The following MALRD1 variants were observed in gnomAD, a reference collection of about 807,000 sequenced individuals.
MALRD1 encodes MAM and LDL receptor class A domain containing 1.
Under a neutral mutation model 242.1 loss-of-function variants are expected in MALRD1, and 247 were observed. The ratio of observed to expected loss-of-function variants is 1.02; its 90% confidence interval spans 0.92 to 1.13. The LOEUF (loss-of-function observed/expected upper bound fraction) is 1.13. Ranked by LOEUF, MALRD1 falls within the 50% of genes most tolerant of loss-of-function variation. The probability of loss-of-function intolerance (pLI) is 0.00; values close to 1 mark genes in which losing one functional copy is unlikely to be tolerated. For missense variants in MALRD1, 2,989 were observed against 2,533.1 expected, an observed-to-expected ratio of 1.18 and a Z score of -3.86; for synonymous variants, 995 against 866.6, an observed-to-expected ratio of 1.15 and a Z score of -2.60.
In MALRD1 at chr10:19,491,379, G is replaced by A. The variant is rs1310195840; in HGVS notation, c.5030-138G>A. 1.5e-5 allele frequency: 15 copies of A among 994,190 alleles called. No homozygotes were observed. The African/African-American group carries it at 2.3e-4, about 15-fold the overall frequency. The allele number at this position is 994,190 out of a possible 1,614,324, so 61.6% of individuals were successfully genotyped here. ...AGGTGGGACTGAGAAAGAGGAAGTT[G>A]GGGAAGTCCATCTTAGGCAACTGTT... On this transcript the variant is annotated intron_variant, in intron 29 of 39. Transcript: ENST00000454679.
intron 36 of MALRD1, among the ~76,000 whole-genome samples, chr10:19,679,638 G>A (rs987363752): frequency 2.0e-5 from 3 of 151,198 alleles, no homozygotes; most frequent in East Asian, 1.9e-4. Context: ...AGAGTTTTTC[G>A]TGCCTCTGTC....
chr10:19,712,791 A>G (rs1834193882), intron 38 of MALRD1, among the ~76,000 whole-genome samples: 1 of 152,212 alleles, frequency 6.6e-6, no homozygotes. Flanking sequence ...TATCACATTC[A>G]TAAGGGGAAA....
At chr10:19,427,701 T>C (rs1228059656) in intron 28 of MALRD1, among the ~76,000 whole-genome samples, 1 of 152,174 alleles carries the variant, frequency 6.6e-6, no homozygotes, top group African/African-American at 2.4e-5. Flanking sequence ...GGGTTATTAT[T>C]GGCGTTATAT....
intron 29 of MALRD1, among the ~76,000 whole-genome samples, chr10:19,460,360 A>T (rs951366913): frequency 2.6e-5 from 4 of 152,178 alleles, no homozygotes; most frequent in African/African-American, 9.6e-5. Context: ...ATATTTATAC[A>T]TGCACAAATA....
At chr10:19,458,635 G>T (rs1383307641) in intron 29 of MALRD1, among the ~76,000 whole-genome samples, 2 of 152,102 alleles carry the variant, frequency 1.3e-5, no homozygotes, top group East Asian at 3.9e-4. Flanking sequence ...AGTTAAACGG[G>T]TCAATAAGAA....
chr10:19,546,073 A>G (rs1470450198), intron 32 of MALRD1, among the ~76,000 whole-genome samples: 2 of 151,992 alleles, frequency 1.3e-5, no homozygotes, highest in Non-Finnish European at 2.9e-5. Flanking sequence ...TGTCTTTCCC[A>G]TGGTGTTCAG....
At position 19,692,695 on chromosome 10, in the gene MALRD1, C is replaced by A. The variant is rs1833135962; in HGVS notation, c.6314+141C>A. The A allele has an allele frequency of 7.9e-6, 5 of 630,386 alleles. No individual in the cohort carries two copies. The Middle Eastern group carries it at 1.1e-3, about 144-fold the overall frequency. The allele number at this position is 630,386 out of a possible 1,614,324, so 39.0% of individuals were successfully genotyped here. On this transcript the variant is annotated intron_variant, in intron 38 of 39. Transcript: ENST00000454679. ...TTTGCTGCTTTATGGATTTATTTTT[C>A]TGGGCAGAAAAGAGGAGCTACCTAA...
At position 19,119,095 on chromosome 10, in the gene MALRD1, T is replaced by C. The variant is rs554994470; in HGVS notation, c.695-4397T>C. The stretch of plus-strand genomic sequence containing the variant: ...ATGTAGTTGGATTCTGGATGTGTTT[T>C]ATTGATAATGCAGAAATTTGCTGAT... On this transcript the variant is annotated intron_variant, in intron 5 of 39. Transcript: ENST00000454679. Among the ~76,000 whole-genome samples the C allele has an allele frequency of 1.6e-4, 24 of 152,268 alleles. No homozygotes were observed. In the East Asian group the frequency reaches 3.9e-3, roughly 25 times the overall value.
At chr10:19,119,371 G>A (rs1399926495) in intron 5 of MALRD1, among the ~76,000 whole-genome samples, 1 of 152,166 alleles carries the variant, frequency 6.6e-6, no homozygotes, top group Admixed American at 6.5e-5. Flanking sequence ...TTCACGCAGA[G>A]CCGGCTATGT....
At chr10:19,315,193 A>C (rs11009418) in intron 21 of MALRD1, among the ~76,000 whole-genome samples, 1 of 124,336 alleles carries the variant, frequency 8.0e-6, no homozygotes. Context: ...TATAAATATA[A>C]TTTATAGAAA....
chr10:19,524,986 C>T (rs1834038808), intron 31 of MALRD1, among the ~76,000 whole-genome samples: 1 of 151,898 alleles, frequency 6.6e-6, no homozygotes, highest in Admixed American at 6.6e-5. Context: ...TTACTGCAAC[C>T]TCCCGCCTCC....
intron 2 of MALRD1, among the ~76,000 whole-genome samples, chr10:19,085,226 T>G (rs1382988338): frequency 6.6e-6 from 1 of 151,954 alleles, no homozygotes; most frequent in African/African-American, 2.4e-5. Flanking sequence ...AGTTATGCTG[T>G]CAAAGATTTG....
intron 31 of MALRD1, among the ~76,000 whole-genome samples, chr10:19,506,260 A>G (rs1260711524): frequency 6.6e-6 from 1 of 152,246 alleles, no homozygotes; most frequent in African/African-American, 2.4e-5. Context: ...ATAACCAAGA[A>G]TCACCACACA....
At chr10:19,445,717 G>A (rs566169313) in intron 28 of MALRD1, among the ~76,000 whole-genome samples, 6 of 152,208 alleles carry the variant, frequency 3.9e-5, no homozygotes, top group Non-Finnish European at 8.8e-5. Context: ...CTACTGGGAG[G>A]TGTCTCCCAC....
chr10:19,463,642 T>A (rs914915678), intron 29 of MALRD1, among the ~76,000 whole-genome samples: 1 of 152,098 alleles, frequency 6.6e-6, no homozygotes, highest in Non-Finnish European at 1.5e-5. Context: ...TGGTTACATA[T>A]TTTTGAAACT....
intron 21 of MALRD1, among the ~76,000 whole-genome samples, chr10:19,288,081 T>G (rs936751084): frequency 1.3e-5 from 2 of 152,038 alleles, no homozygotes; most frequent in African/African-American, 4.8e-5. Context: ...TTTATTAGTT[T>G]TAATTATTTT....
At chr10:19,255,263 T>C (rs1268056645) in intron 18 of MALRD1, among the ~76,000 whole-genome samples, 1 of 152,038 alleles carries the variant, frequency 6.6e-6, no homozygotes, top group Non-Finnish European at 1.5e-5. Context: ...GCAATGGGAC[T>C]TAGGAGTAAA....
rs189587220 is a variant in MALRD1 at position 19,448,519 on chromosome 10, A to G, written c.4846-1788A>G. 7.2e-3 allele frequency among the ~76,000 whole-genome samples: 1,098 copies of G among 152,234 alleles called. 6 individuals carry two copies. Among genetic ancestry groups the G allele is most frequent in the Middle Eastern group, 0.034 (10 of 292 alleles). ...AGAAAGGGCTAGACCTAGAATAACA[A>G]AGAATAGTGTATACAATCTCAGCCT... On this transcript the variant is annotated intron_variant, in intron 28 of 39. Coordinates refer to ENST00000454679, the MANE Select transcript of MALRD1 (RefSeq NM_001142308.3).
intron 21 of MALRD1, among the ~76,000 whole-genome samples, chr10:19,315,852 T>C (rs1020880010): frequency 6.8e-6 from 1 of 146,820 alleles, no homozygotes; most frequent in Non-Finnish European, 1.5e-5. Context: ...TATTTTATTA[T>C]TTATAATGTT....
Sources: gnomAD v4.1 joint callset for allele counts (sites outside exome capture counted in the v4.1 genomes callset) on GRCh38, gnomAD v4.1.1 for gene constraint, MANE v1.5 for transcripts, NCBI Gene and HGNC (gene_info 2026-07-23, HGNC 2026-07-21) for gene names.